The following SUPT3H variants were observed in gnomAD, a reference collection of about 807,000 sequenced individuals.
SUPT3H encodes the protein SPT3 homolog, SAGA and STAGA complex component.
Under a neutral mutation model 44.3 loss-of-function variants are expected in SUPT3H, and 44 were observed. The observed-to-expected ratio is 0.99, with a 90% CI of 0.78 to 1.28. SUPT3H has a LOEUF of 1.28. Among genes scored for constraint, SUPT3H ranks in the 50% most tolerant of loss-of-function variants. SUPT3H has a pLI of 0.00. For synonymous variants in SUPT3H, 124 were observed against 125.6 expected (o/e 0.99, Z 0.09); for missense variants, 380 against 387.1 (o/e 0.98, Z 0.15).
intron 2 of SUPT3H, among the ~76,000 whole-genome samples, chr6:45,149,970 T>A (rs1562555808): frequency 6.6e-6 from 1 of 152,062 alleles, no homozygotes; most frequent in Non-Finnish European, 1.5e-5. Flanking sequence ...ACAATTTTTT[T>A]AAAAAAGGTC....
Position 45,053,413 on chromosome 6 carries a change from T to C in SUPT3H, c.187-32781A>G, listed in dbSNP as rs185975717. Among the ~76,000 whole-genome samples, 87 of 152,122 alleles carry C rather than the reference T, an allele frequency of 5.7e-4. 1 individual carries two copies. The highest frequency in any genetic ancestry group is 5.0e-3 in the Admixed American group (76 of 15,286). On this transcript the variant is annotated intron_variant, in intron 3 of 10. Coordinates refer to ENST00000371459, the MANE Select transcript of SUPT3H (RefSeq NM_003599.4). ...ATTTAAAATGGAAATCTGCAGAAGATACCTGATGGGGTTCAAGAAATACTA... is the reference window on the plus strand; with the variant it reads ...ATTTAAAATGGAAATCTGCAGAAGACACCTGATGGGGTTCAAGAAATACTA...
chr6:45,137,004 A>G (rs1804397885), intron 2 of SUPT3H, among the ~76,000 whole-genome samples: 1 of 152,174 alleles, frequency 6.6e-6, no homozygotes, highest in Non-Finnish European at 1.5e-5. Context: ...ACAGAAGCAT[A>G]AGATAAGTGA....
intron 2 of SUPT3H, among the ~76,000 whole-genome samples, chr6:45,182,608 C>T (rs1813481719): frequency 1.3e-5 from 2 of 152,186 alleles, no homozygotes; most frequent in African/African-American, 4.8e-5. Flanking sequence ...TTTAGGTTCA[C>T]TGCAAAAGGT....
intron 3 of SUPT3H, among the ~76,000 whole-genome samples, chr6:45,071,220 G>C (rs1038188822): frequency 1.3e-5 from 2 of 151,704 alleles, no homozygotes; most frequent in African/African-American, 4.8e-5. Flanking sequence ...CAGACACCTG[G>C]GAAACCTAAA....
At chr6:44,822,318 A>AT (rs1767384503), downstream of SUPT3H, among the ~76,000 whole-genome samples, 1 of 152,200 alleles carries the variant, frequency 6.6e-6, no homozygotes, top group Admixed American at 6.5e-5. Flanking sequence ...ACAAAATGTT[A>AT]TTTTTAGTCT....
chr6:45,322,328 A>G (rs1233041771), intron 2 of SUPT3H, among the ~76,000 whole-genome samples: 1 of 151,460 alleles, frequency 6.6e-6, no homozygotes, highest in Non-Finnish European at 1.5e-5. Flanking sequence ...TGTAAAACCT[A>G]CATTTTAAAC....
chr6:45,083,695 G>T (rs1796121085), intron 3 of SUPT3H, among the ~76,000 whole-genome samples: 1 of 150,484 alleles, frequency 6.6e-6, no homozygotes, highest in Non-Finnish European at 1.5e-5. Flanking sequence ...CTTCATAAGG[G>T]TACAGTAAAA....
intron 10 of SUPT3H, among the ~76,000 whole-genome samples, chr6:44,919,327 C>T (rs763510585): frequency 1.1e-4 from 17 of 152,078 alleles, no homozygotes; most frequent in East Asian, 1.9e-4. Context: ...TTAGATTAGG[C>T]GTCTTCTAAG....
At chr6:45,177,998 G>A (rs1323409055) in intron 2 of SUPT3H, among the ~76,000 whole-genome samples, 5 of 152,174 alleles carry the variant, frequency 3.3e-5, no homozygotes, top group Non-Finnish European at 5.9e-5. Context: ...GGACTAGGAA[G>A]AAACTGCATC....
chr6:44,814,100 A>G (rs1220578657), intron 11 of SUPT3H, among the ~76,000 whole-genome samples: 1 of 152,232 alleles, frequency 6.6e-6, no homozygotes, highest in Non-Finnish European at 1.5e-5. Flanking sequence ...AAGCAGGCAC[A>G]TTACCTTCAC....
chr6:44,948,424 A>G (rs1773700657), intron 9 of SUPT3H, among the ~76,000 whole-genome samples: 1 of 152,188 alleles, frequency 6.6e-6, no homozygotes, highest in Non-Finnish European at 1.5e-5. Flanking sequence ...TCTGCACAGC[A>G]AAAGAATCTA....
chr6:44,877,068 A>G (rs892521312), intron 10 of SUPT3H, among the ~76,000 whole-genome samples: 1 of 152,180 alleles, frequency 6.6e-6, no homozygotes, highest in Admixed American at 6.5e-5. Flanking sequence ...TAAATATCTT[A>G]TCCTATGTCA....
At chr6:45,272,907 T>C (rs974883832) in intron 2 of SUPT3H, among the ~76,000 whole-genome samples, 1 of 152,224 alleles carries the variant, frequency 6.6e-6, no homozygotes, top group African/African-American at 2.4e-5. Flanking sequence ...GCTTTTGCTT[T>C]GCCTGGACCA....
intron 2 of SUPT3H, among the ~76,000 whole-genome samples, chr6:45,178,967 A>T (rs1812569510): frequency 6.6e-6 from 1 of 152,146 alleles, no homozygotes; most frequent in Admixed American, 6.5e-5. Flanking sequence ...AAAGCAGGAA[A>T]GATCCAAAAT....
At chr6:44,886,204 T>A (rs1356276042) in intron 10 of SUPT3H, among the ~76,000 whole-genome samples, 1 of 152,078 alleles carries the variant, frequency 6.6e-6, no homozygotes, top group African/African-American at 2.4e-5. Flanking sequence ...CAGGATATTA[T>A]CCAGGAGAAC....
intron 9 of SUPT3H, among the ~76,000 whole-genome samples, chr6:44,940,971 G>A (rs1036419791): frequency 2.6e-5 from 4 of 151,928 alleles, no homozygotes; most frequent in Middle Eastern, 3.2e-3. Context: ...TGAGTTTCTT[G>A]TAAGCAACAT....
intron 3 of SUPT3H, among the ~76,000 whole-genome samples, chr6:45,102,224 T>C (rs1798677820): frequency 1.3e-5 from 2 of 152,274 alleles, no homozygotes; most frequent in South Asian, 4.1e-4. Context: ...ATATTAACAC[T>C]TAAAAAACAA....
chr6:44,868,566 C>A (rs555084612), intron 10 of SUPT3H, among the ~76,000 whole-genome samples: 1 of 151,050 alleles, frequency 6.6e-6, no homozygotes, highest in East Asian at 2.0e-4. Flanking sequence ...GGACTCTGTT[C>A]AGCTGCTAGG....
At chr6:45,089,930 T>C (rs1037930054) in intron 3 of SUPT3H, among the ~76,000 whole-genome samples, 33 of 152,222 alleles carry the variant, frequency 2.2e-4, no homozygotes, top group Middle Eastern at 3.4e-3. Flanking sequence ...AATTACTCAG[T>C]TTGAAATTCA....
Sources: allele counts gnomAD v4.1 joint callset (sites outside exome capture counted in the v4.1 genomes callset), GRCh38; gene constraint gnomAD v4.1.1; transcripts MANE v1.5; gene names NCBI Gene and HGNC (gene_info 2026-07-23, HGNC 2026-07-21).